PIK3AP1: variants seen among roughly 807,000 people sequenced by gnomAD.
The protein encoded by PIK3AP1 is phosphoinositide-3-kinase adaptor protein 1, also known as phosphoinositide 3-kinase adapter protein 1.
In PIK3AP1, 21 loss-of-function variants were observed where a neutral mutation model predicts 88.1. The ratio of observed to expected loss-of-function variants is 0.24; its 90% confidence interval spans 0.17 to 0.34. The LOEUF (loss-of-function observed/expected upper bound fraction) is 0.34. Among genes scored for constraint, PIK3AP1 ranks in the 10% least tolerant of loss-of-function variants. The pLI is 1.00. For synonymous variants in PIK3AP1, 398 were observed against 400.0 expected (o/e 1.00, Z 0.06); for missense variants, 828 against 1,035.7 (o/e 0.80, Z 2.75).
chr10:96,692,042 A>G (rs1310972440), intron 2 of PIK3AP1, among the ~76,000 whole-genome samples: 1 of 152,206 alleles, frequency 6.6e-6, no homozygotes, highest in Non-Finnish European at 1.5e-5. Context: ...TTTGCAAAAG[A>G]GAAATTTTTT....
chr10:96,675,916 T>C (rs139095074), intron 2 of PIK3AP1, among the ~76,000 whole-genome samples: 6 of 152,356 alleles, frequency 3.9e-5, no homozygotes, highest in South Asian at 2.1e-4. Context: ...AAGGCCATCA[T>C]AGGGACGTGG....
Position 96,720,447 on chromosome 10 carries a change from C to A in PIK3AP1, c.-53G>T, listed in dbSNP as rs1293905675. On this transcript the variant is annotated 5_prime_UTR_variant, in exon 1 of 17. Coordinates refer to ENST00000339364, the MANE Select transcript of PIK3AP1 (RefSeq NM_152309.3). The surrounding 1 kb of genome is among the most constrained non-coding windows in gnomAD (Gnocchi z 4.6). ...CTCGCTGCGTGCCCGGGGCCGGGACCGGGGCCGGCGGCGTCCTGGCTCGGG... is the reference window on the plus strand; with the variant it reads ...CTCGCTGCGTGCCCGGGGCCGGGACAGGGGCCGGCGGCGTCCTGGCTCGGG... 1 of 1,214,172 alleles carries A rather than the reference C, an allele frequency of 8.2e-7. No homozygotes were observed. Among genetic ancestry groups the A allele is most frequent in the Non-Finnish European group, 1.0e-6 (1 of 975,014 alleles). 75.2% of individuals were successfully genotyped at this position (1,214,172 alleles called of 1,614,324 possible). A position where few individuals can be genotyped will look rare whatever the true frequency, so the allele number is the denominator to read the frequency against.
intron 8 of PIK3AP1, among the ~76,000 whole-genome samples, chr10:96,630,596 AG>A (rs987097233): frequency 6.6e-6 from 1 of 152,096 alleles, no homozygotes; most frequent in African/African-American, 2.4e-5. Flanking sequence ...GCACTTTGGA[AG>A]GCTGAGGCAG....
chr10:96,676,159 C>T lies in PIK3AP1; in HGVS notation c.431-19225G>A, dbSNP rs1026364590. ...CTGTCCCATGCCAGCTGTGAAGCCA[C>T]ATCTGTGTCTGAAAGCAAGCATTCT... On this transcript the variant is annotated intron_variant, in intron 2 of 16. Coordinates refer to ENST00000339364, the MANE Select transcript of PIK3AP1 (RefSeq NM_152309.3). Among the ~76,000 whole-genome samples, 3 of 152,228 alleles carry T rather than the reference C, an allele frequency of 2.0e-5. No individual in the cohort carries two copies. The South Asian group carries it at 6.2e-4, about 32-fold the overall frequency.
intron 2 of PIK3AP1, among the ~76,000 whole-genome samples, chr10:96,667,440 C>T (rs80048804): frequency 1.6e-4 from 25 of 152,296 alleles, no homozygotes; most frequent in Middle Eastern, 3.4e-3. Flanking sequence ...CTAGGAACTA[C>T]GCAAAACACA....
intron 8 of PIK3AP1, among the ~76,000 whole-genome samples, chr10:96,632,329 A>G (rs1589501816): frequency 6.6e-6 from 1 of 152,190 alleles, no homozygotes; most frequent in Non-Finnish European, 1.5e-5. Flanking sequence ...AGATGTTAAT[A>G]CTACGGGAGC....
intron 1 of PIK3AP1, among the ~76,000 whole-genome samples, chr10:96,713,497 C>A (rs1469940774): frequency 1.5e-5 from 2 of 130,416 alleles, no homozygotes; most frequent in Non-Finnish European, 3.2e-5. Context: ...GACCGAGACT[C>A]CGTCTTAAAA....
At chr10:96,618,087 G>C (rs1482100769) in intron 12 of PIK3AP1, among the ~76,000 whole-genome samples, 2 of 152,184 alleles carry the variant, frequency 1.3e-5, no homozygotes, top group African/African-American at 4.8e-5. Flanking sequence ...GAAGTGGCTA[G>C]AGGCTCTCAG....
At chr10:96,694,399 T>A (rs1844193397) in intron 2 of PIK3AP1, among the ~76,000 whole-genome samples, 1 of 152,092 alleles carries the variant, frequency 6.6e-6, no homozygotes, top group Non-Finnish European at 1.5e-5. Flanking sequence ...ACTGGGCAAG[T>A]CATCTAACCC....
In PIK3AP1 at chr10:96,704,809, C is replaced by T. The variant is rs143935997; in HGVS notation, c.430+4758G>A. 3.5e-3 allele frequency among the ~76,000 whole-genome samples: 538 copies of T among 152,076 alleles called. 1 individual carries two copies. Among genetic ancestry groups the T allele is most frequent in the Middle Eastern group, 0.01 (3 of 292 alleles). On this transcript the variant is annotated intron_variant, in intron 2 of 16. Coordinates refer to ENST00000339364, the MANE Select transcript of PIK3AP1 (RefSeq NM_152309.3). ...CAGTATATGCATATTTACAAGATCCCCAGGTCCTTCTGTGCACATTAAAAT... is the reference window on the plus strand; with the variant it reads ...CAGTATATGCATATTTACAAGATCCTCAGGTCCTTCTGTGCACATTAAAAT...
chr10:96,593,698 G>A lies in PIK3AP1; in HGVS notation c.*1879C>T, dbSNP rs1848710212. On this transcript the variant is annotated 3_prime_UTR_variant, in exon 17 of 17. Coordinates refer to ENST00000339364, the MANE Select transcript of PIK3AP1 (RefSeq NM_152309.3). ...AAGGAGAGTAAAAGGATCACTGAGG[G>A]AACATTTGAAGAATGCTACTAAGTG... The A allele has an allele frequency of 6.6e-6, 1 of 152,178 alleles. No homozygotes were observed. Among genetic ancestry groups the A allele is most frequent in the African/African-American group, 2.4e-5 (1 of 41,440 alleles). The allele number at this position is 152,178 out of a possible 1,614,324, so 9.4% of individuals were successfully genotyped here. A position where few individuals can be genotyped will look rare whatever the true frequency, so the allele number is the denominator to read the frequency against.
At chr10:96,637,417 G>A (rs1184882826) in intron 8 of PIK3AP1, among the ~76,000 whole-genome samples, 1 of 151,948 alleles carries the variant, frequency 6.6e-6, no homozygotes, top group South Asian at 2.1e-4. Context: ...AGGCTGGAGT[G>A]CAGTGGTGCA....
chr10:96,659,053 C>T (rs1272604452), intron 2 of PIK3AP1, among the ~76,000 whole-genome samples: 2 of 152,230 alleles, frequency 1.3e-5, no homozygotes, highest in Middle Eastern at 6.8e-3. Flanking sequence ...CAGAGCTATA[C>T]ATGCCACCCA....
At chr10:96,704,445 CG>C (rs1378187455) in intron 2 of PIK3AP1, among the ~76,000 whole-genome samples, 1 of 152,148 alleles carries the variant, frequency 6.6e-6, no homozygotes, top group African/African-American at 2.4e-5. Context: ...TGGCTGGGTG[CG>C]GTGGCTCACG....
intron 13 of PIK3AP1, 65 bp downstream of exon 13, chr10:96,616,574 G>C (rs1244268788): frequency 6.4e-7 from 1 of 1,553,934 alleles, no homozygotes; most frequent in African/African-American, 1.4e-5. Context: ...CAGCCAAAAG[G>C]AGAGTCAAGG....
At position 96,609,877 on chromosome 10, in the gene PIK3AP1, G is replaced by C; in HGVS notation, c.2015-10C>G. The C allele has an allele frequency of 2.5e-6, 4 of 1,613,804 alleles. No individual in the cohort carries two copies. The highest frequency in any genetic ancestry group is 3.4e-6 in the Non-Finnish European group (4 of 1,179,736). On this transcript the variant is annotated splice_polypyrimidine_tract_variant and intron_variant, in intron 13 of 16. Coordinates refer to ENST00000339364, the MANE Select transcript of PIK3AP1 (RefSeq NM_152309.3). ...ACCGTGATCTCCAAGTCTGGAATTG[G>C]AGGAAAGAGGGATAAGCTGTCAAGA... is the stretch of plus-strand genomic sequence containing the variant.
intron 11 of PIK3AP1, 82 bp from the exon 12 acceptor site, chr10:96,620,639 C>A: frequency 8.1e-7 from 1 of 1,236,114 alleles, no homozygotes; most frequent in Non-Finnish European, 1.2e-6. Flanking sequence ...TGAGGCTGGT[C>A]ACAGGCTCAA....
intron 4 of PIK3AP1, 43 bp downstream of exon 4, chr10:96,652,655 G>A: frequency 6.2e-7 from 1 of 1,602,510 alleles, no homozygotes; most frequent in Non-Finnish European, 8.5e-7. Flanking sequence ...TAGCAAATAA[G>A]CAATGAAGCC....
Position 96,601,569 on chromosome 10 carries a change from G to C in PIK3AP1, c.2360+711C>G, listed in dbSNP as rs73332331. ...CTGCTGGAGACTTGACCCCAGGTAG[G>C]GGGGCTCTAGAGTCAGGCTTCCCAC... On this transcript the variant is annotated intron_variant, in intron 16 of 16. Coordinates refer to ENST00000339364, the MANE Select transcript of PIK3AP1 (RefSeq NM_152309.3). Among the ~76,000 whole-genome samples the C allele has an allele frequency of 9.9e-3, 1,503 of 151,854 alleles. 26 individuals carry two copies. The highest frequency in any genetic ancestry group is 0.034 in the African/African-American group (1,388 of 41,408).
Sources: allele counts gnomAD v4.1 joint callset (sites outside exome capture counted in the v4.1 genomes callset), GRCh38; gene constraint gnomAD v4.1.1; non-coding constraint Gnocchi (gnomAD v3.1); transcripts MANE v1.5; gene names NCBI Gene and HGNC (gene_info 2026-07-23, HGNC 2026-07-21).